Variants in TSPAN9 observed in about 807,000 individuals in gnomAD.
TSPAN9 encodes the protein tetraspanin-9.
TSPAN9 carries 16 observed loss-of-function variants against 31.0 expected under a neutral mutation model. The ratio of observed to expected loss-of-function variants is 0.52; its 90% CI spans 0.35 to 0.78. The LOEUF (loss-of-function observed/expected upper bound fraction) is 0.78, where lower values mean the gene tolerates loss of function less well. Ranked by LOEUF, TSPAN9 falls within the 30% of genes least tolerant of loss-of-function variation. The pLI is 0.01. For synonymous variants in TSPAN9, 145 were observed against 121.6 expected, an observed-to-expected ratio of 1.19 and a Z score of -1.27; for missense variants, 272 against 312.5, an observed-to-expected ratio of 0.87 and a Z score of 0.98.
At chr12:3,282,404 T>G (rs985911882) in intron 8 of TSPAN9, among the ~76,000 whole-genome samples, 2 of 152,150 alleles carry the variant, frequency 1.3e-5, no homozygotes, top group African/African-American at 2.4e-5. Flanking sequence ...TTATTTTTCT[T>G]TTTTTAAGAG....
intron 2 of TSPAN9, among the ~76,000 whole-genome samples, chr12:3,101,094 A>G (rs2098311661): frequency 1.3e-5 from 2 of 152,204 alleles, no homozygotes; most frequent in African/African-American, 4.8e-5. Flanking sequence ...GGTGACTGGG[A>G]GAACGGAAAC....
chr12:3,089,063 T>G (rs113839841), intron 2 of TSPAN9, among the ~76,000 whole-genome samples: 9,622 of 151,590 alleles, frequency 0.063, 1,040 homozygotes, highest in African/African-American at 0.22. Context: ...AAACCCCATC[T>G]GTACTAAAAA....
Position 3,283,156 on chromosome 12 carries a change from G to T in TSPAN9, c.*40G>T. 1 of 1,596,544 alleles carries T rather than the reference G, an allele frequency of 6.3e-7. No individual in the cohort carries two copies. ...AGTGCCCACCCCGCCCTGCTGCCCT[G>T]TGGAGGGAAGAGGATTGAGCTTTGT... On this transcript the variant is annotated 3_prime_UTR_variant, in exon 9 of 9. Transcript: ENST00000011898.
chr12:3,140,235 A>G (rs1294140534), intron 2 of TSPAN9, among the ~76,000 whole-genome samples: 1 of 152,020 alleles, frequency 6.6e-6, no homozygotes, highest in African/African-American at 2.4e-5. Context: ...CTGACATTTT[A>G]TGTTGTTTAG....
chr12:3,081,850 A>ATATC (rs1413768973), intron 1 of TSPAN9, among the ~76,000 whole-genome samples: 1 of 101,266 alleles, frequency 9.9e-6, no homozygotes, highest in Non-Finnish European at 2.4e-5. Context: ...GTGTGTATAT[A>ATATC]TATGCCAGGT....
intron 2 of TSPAN9, among the ~76,000 whole-genome samples, chr12:3,194,163 T>C (rs1304725957): frequency 6.6e-6 from 1 of 152,172 alleles, no homozygotes; most frequent in East Asian, 1.9e-4. Flanking sequence ...GGGTGGTCAC[T>C]GACAGGCACT....
chr12:3,246,693 C>CT (rs1292558363), intron 3 of TSPAN9, among the ~76,000 whole-genome samples: 4 of 152,192 alleles, frequency 2.6e-5, no homozygotes, highest in Non-Finnish European at 5.9e-5. Flanking sequence ...ATAATAGCCC[C>CT]TTTTGGGGTA....
At chr12:3,089,546 T>G (rs568885487) in intron 2 of TSPAN9, among the ~76,000 whole-genome samples, 1 of 152,026 alleles carries the variant, frequency 6.6e-6, no homozygotes, top group Admixed American at 6.5e-5. Context: ...CCGCCCTCCT[T>G]GGCCTCCCAA....
At chr12:3,214,958 C>T (rs1591682290) in intron 3 of TSPAN9, among the ~76,000 whole-genome samples, 1 of 152,052 alleles carries the variant, frequency 6.6e-6, no homozygotes, top group South Asian at 2.1e-4. Context: ...CCCGGCTCTA[C>T]CCTGTTCACT....
chr12:3,087,786 C>T (rs1463875728), intron 2 of TSPAN9, among the ~76,000 whole-genome samples: 1 of 152,056 alleles, frequency 6.6e-6, no homozygotes, highest in East Asian at 1.9e-4. Context: ...GCCTGGGCAA[C>T]AGAGCCAAGA....
intron 3 of TSPAN9, among the ~76,000 whole-genome samples, chr12:3,241,900 G>C (rs539759539): frequency 4.8e-4 from 73 of 152,334 alleles, no homozygotes; most frequent in African/African-American, 1.7e-3. Flanking sequence ...CCTCCCCACC[G>C]TCTCTGCCAT....
intron 2 of TSPAN9, among the ~76,000 whole-genome samples, chr12:3,177,757 G>A (rs1446369650): frequency 6.6e-6 from 1 of 152,220 alleles, no homozygotes; most frequent in East Asian, 1.9e-4. Context: ...AAACAGTGAT[G>A]GCTTGGTTGT....
chr12:3,237,349 C>T (rs1447318129), intron 3 of TSPAN9, among the ~76,000 whole-genome samples: 1 of 152,086 alleles, frequency 6.6e-6, no homozygotes. Context: ...TGCCCACCTA[C>T]GTGAAATGTG....
At chr12:3,269,004 C>T (rs867430253) in intron 3 of TSPAN9, among the ~76,000 whole-genome samples, 93 of 98,344 alleles carry the variant, frequency 9.5e-4, no homozygotes, top group African/African-American at 3.6e-3. Flanking sequence ...GTTCCTGCAG[C>T]CTGCCCTCTC....
At chr12:3,269,767 C>A (rs973224937) in intron 3 of TSPAN9, among the ~76,000 whole-genome samples, 1 of 152,236 alleles carries the variant, frequency 6.6e-6, no homozygotes, top group African/African-American at 2.4e-5. Context: ...CACAAGCGCT[C>A]CCTGTGTGGC....
intron 3 of TSPAN9, among the ~76,000 whole-genome samples, chr12:3,269,695 T>C (rs1322716934): frequency 2.0e-5 from 3 of 152,230 alleles, no homozygotes; most frequent in Non-Finnish European, 4.4e-5. Context: ...AGAGGCCACA[T>C]CCTTCCATGC....
At chr12:3,114,085 C>G (rs1453442695) in intron 2 of TSPAN9, among the ~76,000 whole-genome samples, 1 of 152,240 alleles carries the variant, frequency 6.6e-6, no homozygotes, top group African/African-American at 2.4e-5. Flanking sequence ...TGACATCTAG[C>G]TCTGTGATCA....
chr12:3,106,580 A>G (rs1260669250), intron 2 of TSPAN9, among the ~76,000 whole-genome samples: 1 of 152,166 alleles, frequency 6.6e-6, no homozygotes, highest in Non-Finnish European at 1.5e-5. Flanking sequence ...GTTCACCCTC[A>G]GCAACATAAT....
Position 3,147,318 on chromosome 12 carries a change from T to C in TSPAN9, c.-17-53859T>C, listed in dbSNP as rs1029186111. Among the ~76,000 whole-genome samples, 2 of 152,056 alleles carry C rather than the reference T, an allele frequency of 1.3e-5. No homozygotes were observed. The highest frequency in any genetic ancestry group is 2.1e-4 in the South Asian group (1 of 4,826). ...GCTGGAGAGAATGACAGGCGTCCCA[T>C]GTATCCCAAAAATGCAGTGTGGTGT... On this transcript the variant is annotated intron_variant, in intron 2 of 8. Coordinates refer to ENST00000011898, the MANE Select transcript of TSPAN9 (RefSeq NM_006675.5). The surrounding 1 kb of genome is among the most constrained non-coding windows in gnomAD (Gnocchi z 4.3).
Sources: gnomAD v4.1 joint callset for allele counts (sites outside exome capture counted in the v4.1 genomes callset) on GRCh38, gnomAD v4.1.1 for gene constraint, Gnocchi (gnomAD v3.1) non-coding constraint, MANE v1.5 for transcripts, NCBI Gene and HGNC (gene_info 2026-07-23, HGNC 2026-07-21) for gene names.